RNF24: variants seen among roughly 807,000 people sequenced by gnomAD.
RNF24 encodes ring finger protein 24.
RNF24 carries 14 observed loss-of-function variants against 20.0 expected under a neutral mutation model. The observed-to-expected ratio is 0.70, with a 90% confidence interval of 0.46 to 1.10. The LOEUF is 1.10. Among genes scored for constraint, RNF24 ranks in the 50% least tolerant of loss-of-function variants. RNF24 has a pLI of 0.00. For synonymous variants in RNF24, 45 were observed against 61.1 expected (o/e 0.74, Z 1.23); for missense variants, 124 against 177.6 (o/e 0.70, Z 1.71).
intron 1 of RNF24, among the ~76,000 whole-genome samples, chr20:3,971,081 T>C (rs1256798277): frequency 6.6e-6 from 1 of 152,174 alleles, no homozygotes; most frequent in East Asian, 1.9e-4. Context: ...AAATCTTTTT[T>C]TTTCTTTGCA....
chr20:3,990,980 G>A (rs971658755), intron 1 of RNF24, among the ~76,000 whole-genome samples: 2 of 151,944 alleles, frequency 1.3e-5, no homozygotes, highest in Admixed American at 6.6e-5. Context: ...AGTGCATGTG[G>A]CATATCACCT....
chr20:4,013,073 AAATT>A (rs1184008858), intron 1 of RNF24, among the ~76,000 whole-genome samples: 3 of 152,034 alleles, frequency 2.0e-5, no homozygotes, highest in Non-Finnish European at 2.9e-5. Flanking sequence ...TATCTGAATT[AAATT>A]AATTGATATT....
chr20:3,938,883 G>T (rs2090922408), intron 4 of RNF24, among the ~76,000 whole-genome samples: 1 of 151,922 alleles, frequency 6.6e-6, no homozygotes, highest in Non-Finnish European at 1.5e-5. Context: ...AAATAGCTGG[G>T]ACTTACAGGC....
intron 1 of RNF24, among the ~76,000 whole-genome samples, chr20:3,968,014 TGTA>T (rs2091277559): frequency 7.7e-6 from 1 of 129,668 alleles, no homozygotes; most frequent in South Asian, 2.5e-4. Flanking sequence ...GAATAAAAAA[TGTA>T]ACAGGTGGCT....
chr20:3,933,770 T>C lies in RNF24; in HGVS notation c.*293A>G. ...CTCCTGCTTGACATGGAGATGAGGC[T>C]CCAGGAGAGAGAGTGTAATGGAGTT... On this transcript the variant is annotated 3_prime_UTR_variant, in exon 6 of 6. Transcript: ENST00000358395. 1 of 234,444 alleles carries C rather than the reference T, an allele frequency of 4.3e-6. No homozygotes were observed. Among genetic ancestry groups the C allele is most frequent in the Non-Finnish European group, 8.2e-6 (1 of 121,938 alleles). The allele number at this position is 234,444 out of a possible 1,614,324, so 14.5% of individuals were successfully genotyped here.
intron 1 of RNF24, among the ~76,000 whole-genome samples, chr20:3,976,312 G>C (rs1380057245): frequency 6.6e-6 from 1 of 152,160 alleles, no homozygotes; most frequent in African/African-American, 2.4e-5. Context: ...AGAAATTAAA[G>C]CCACAATGAG....
At chr20:3,996,215 A>G (rs1327132958) in intron 1 of RNF24, among the ~76,000 whole-genome samples, 2 of 152,208 alleles carry the variant, frequency 1.3e-5, no homozygotes, top group East Asian at 3.8e-4. Context: ...TTTACACTTA[A>G]CCAAACTCAC....
chr20:4,001,939 T>C (rs985011565), intron 1 of RNF24, among the ~76,000 whole-genome samples: 7 of 151,764 alleles, frequency 4.6e-5, no homozygotes, highest in African/African-American at 1.7e-4. Context: ...AGTGAGACCC[T>C]GCCTCTTAAA....
Position 3,934,113 on chromosome 20 carries a change from C to T in RNF24, c.397G>A (p.Asp133Asn). The T allele has an allele frequency of 6.4e-7, 1 of 1,570,618 alleles. No homozygotes were observed. Among genetic ancestry groups the T allele is most frequent in the African/African-American group, 1.4e-5 (1 of 72,620 alleles). Residue 133 changes from aspartate to asparagine, a missense_variant, in exon 6 of 6, where the codon GAC (aspartate) becomes AAC (asparagine). Transcript: ENST00000358395. The surrounding 1 kb of genome is among the most constrained non-coding windows in gnomAD (Gnocchi z 4.0). ...AGGGGCCCCTGAGGGGGTCCACGGT[C>T]CTGCTTACTGTGCAACTGGGCCAGC... ...LQLAQLHSKQ[D>N]RGPPQGPLPG... is the part of the protein sequence containing the mutation.
At position 3,930,557 on chromosome 20, in the gene RNF24, G is replaced by A. The variant is rs2146927739; in HGVS notation, c.*3506C>T. ...AAGGAAGAGACTGAGAGGCTAACCT[G>A]CAGAAGGGCCTAAGGCTAGTGAGTG... On this transcript the variant is annotated 3_prime_UTR_variant, in exon 6 of 6. Coordinates refer to ENST00000358395, the MANE Select transcript of RNF24 (RefSeq NM_001134337.3). The A allele has an allele frequency of 6.6e-6, 1 of 152,374 alleles. No homozygotes were observed. The highest frequency in any genetic ancestry group is 1.9e-4 in the East Asian group (1 of 5,186). 9.4% of individuals were successfully genotyped at this position (152,374 alleles called of 1,614,324 possible).
chr20:3,969,779 T>TG (rs1024106049), intron 1 of RNF24, among the ~76,000 whole-genome samples: 1 of 150,866 alleles, frequency 6.6e-6, no homozygotes, highest in African/African-American at 2.4e-5. Flanking sequence ...ATCTGTTTTT[T>TG]TTTTTTTTTT....
intron 1 of RNF24, among the ~76,000 whole-genome samples, chr20:3,974,913 A>G (rs1186382930): frequency 2.6e-5 from 4 of 152,150 alleles, no homozygotes; most frequent in Non-Finnish European, 5.9e-5. Context: ...AGTTTAACAA[A>G]TGTAGACAGA....
intron 1 of RNF24, among the ~76,000 whole-genome samples, chr20:4,000,559 T>G (rs866552406): frequency 6.6e-6 from 1 of 152,092 alleles, no homozygotes; most frequent in Admixed American, 6.6e-5. Flanking sequence ...ATATATAATC[T>G]CCTTAAAAGT....
intron 1 of RNF24, among the ~76,000 whole-genome samples, 198 bp from the exon 2 acceptor site, chr20:3,964,222 G>A (rs1055198094): frequency 2.0e-5 from 3 of 152,126 alleles, no homozygotes; most frequent in African/African-American, 7.2e-5. Context: ...CACTATTTCA[G>A]AGACTGGAGA....
chr20:3,955,562 G>GT (rs1236576535), intron 2 of RNF24, among the ~76,000 whole-genome samples: 1 of 152,196 alleles, frequency 6.6e-6, no homozygotes, highest in African/African-American at 2.4e-5. Context: ...ATCAGGAAGT[G>GT]TGAGTCCTTC....
chr20:3,958,201 A>G (rs1207491743), intron 2 of RNF24, among the ~76,000 whole-genome samples: 3 of 152,090 alleles, frequency 2.0e-5, no homozygotes, highest in Non-Finnish European at 4.4e-5. Context: ...TAATATTGCT[A>G]TCTCTCTTAT....
intron 1 of RNF24, among the ~76,000 whole-genome samples, chr20:4,009,435 C>T (rs1600727137): frequency 6.6e-6 from 1 of 152,008 alleles, no homozygotes; most frequent in East Asian, 1.9e-4. Context: ...TATGAGGGGG[C>T]ATGAGGTATA....
At chr20:3,947,892 C>A (rs1242774585) in intron 3 of RNF24, among the ~76,000 whole-genome samples, 1 of 151,750 alleles carries the variant, frequency 6.6e-6, no homozygotes, top group Non-Finnish European at 1.5e-5. Context: ...ACTAAAAATA[C>A]AAAATTAGCC....
chr20:3,980,340 T>G (rs909981842), intron 1 of RNF24, among the ~76,000 whole-genome samples: 1 of 152,110 alleles, frequency 6.6e-6, no homozygotes, highest in Non-Finnish European at 1.5e-5. Context: ...AAAACCCGGA[T>G]AGCACCGAGT....
Sources: gnomAD v4.1 joint callset for allele counts (sites outside exome capture counted in the v4.1 genomes callset) on GRCh38, gnomAD v4.1.1 for gene constraint, Gnocchi (gnomAD v3.1) non-coding constraint, MANE v1.5 for transcripts, NCBI Gene and HGNC (gene_info 2026-07-23, HGNC 2026-07-21) for gene names.